The following MACROD1 variants were observed in gnomAD, a reference collection of about 807,000 sequenced individuals.
MACROD1 encodes the protein ADP-ribose glycohydrolase MACROD1.
Under a neutral mutation model 41.4 loss-of-function variants are expected in MACROD1, and 31 were observed. The ratio of observed to expected loss-of-function variants is 0.75; its 90% confidence interval spans 0.56 to 1.01. The LOEUF is 1.01. Ranked by LOEUF, MACROD1 falls within the 50% of genes least tolerant of loss-of-function variation. MACROD1 has a pLI of 0.00. For synonymous variants in MACROD1, 252 were observed against 203.4 expected, an observed-to-expected ratio of 1.24 and a Z score of -2.03; for missense variants, 473 against 460.0, an observed-to-expected ratio of 1.03 and a Z score of -0.26.
Position 64,165,904 on chromosome 11 carries a change from A to G in MACROD1, c.91T>C (p.Leu31=). ...LVPPRPRPGH[L]AGATRTRSST... is the part of the protein sequence containing the mutation. The stretch of plus-strand genomic sequence containing the variant: ...CTGCGGGTCCTCGTGGCACCCGCCA[A>G]GTGTCCGGGCCGGGGGCGCGGGGGG... Residue 31 remains leucine (L), a synonymous_variant, in exon 1 of 11, where the codon TTG becomes CTG. Coordinates refer to ENST00000255681, the MANE Select transcript of MACROD1 (RefSeq NM_014067.4). 7.3e-7 allele frequency: 1 copy of G among 1,370,864 alleles called. No homozygotes were observed. Among genetic ancestry groups the G allele is most frequent in the Non-Finnish European group, 9.4e-7 (1 of 1,067,912 alleles). 84.9% of individuals were successfully genotyped at this position (1,370,864 alleles called of 1,614,324 possible).
At chr11:64,138,591 G>C in intron 3 of MACROD1, 3 of 983,280 alleles carry the variant, frequency 3.1e-6, no homozygotes, top group Non-Finnish European at 3.6e-6. Context: ...GGGCCCTGCT[G>C]GCAGAGGAAT....
chr11:64,004,086 C>T (rs320158), intron 4 of MACROD1, among the ~76,000 whole-genome samples: 3,556 of 152,336 alleles, frequency 0.023, 129 homozygotes, highest in African/African-American at 0.079. Context: ...GGCCTCTGAG[C>T]GGCCCTTGAC....
chr11:64,035,135 A>G (rs1490686507), intron 3 of MACROD1, among the ~76,000 whole-genome samples: 2 of 152,138 alleles, frequency 1.3e-5, no homozygotes, highest in Admixed American at 6.5e-5. Context: ...AATCCAGGAC[A>G]CTGAGGCTGG....
chr11:64,015,164 G>T, intron 4 of MACROD1, 88 bp downstream of exon 4: 1 of 1,358,286 alleles, frequency 7.4e-7, no homozygotes, highest in Non-Finnish European at 9.9e-7. Context: ...GCAGTGAGAT[G>T]GGCACCGAGG....
intron 3 of MACROD1, among the ~76,000 whole-genome samples, chr11:64,138,942 A>G (rs1945370913): frequency 6.6e-6 from 1 of 151,948 alleles, no homozygotes; most frequent in Non-Finnish European, 1.5e-5. Flanking sequence ...TAATTTTTGT[A>G]TTTTTGTAGA....
intron 3 of MACROD1, among the ~76,000 whole-genome samples, chr11:64,028,174 G>A (rs565292419): frequency 6.7e-6 from 1 of 148,228 alleles, no homozygotes; most frequent in Admixed American, 6.7e-5. Flanking sequence ...CTGGGGAGGC[G>A]CATGGGAAGG....
At chr11:64,107,499 G>A (rs917017962) in intron 3 of MACROD1, among the ~76,000 whole-genome samples, 2 of 152,152 alleles carry the variant, frequency 1.3e-5, no homozygotes, top group African/African-American at 2.4e-5. Flanking sequence ...CCACCCAGCC[G>A]GCCTATGTGG....
chr11:64,101,766 C>T (rs1944675610), intron 3 of MACROD1, among the ~76,000 whole-genome samples: 1 of 152,226 alleles, frequency 6.6e-6, no homozygotes, highest in Non-Finnish European at 1.5e-5. Flanking sequence ...CCTTCCAGGG[C>T]CTGTGCCCCA....
intron 4 of MACROD1, chr11:64,001,541 T>C (rs549491859): frequency 4.3e-6 from 3 of 702,418 alleles, no homozygotes; most frequent in South Asian, 1.5e-5. Flanking sequence ...CCCCTTTCTT[T>C]TGCTGTTTGA....
At chr11:64,034,917 C>T (rs771235855) in intron 3 of MACROD1, among the ~76,000 whole-genome samples, 87 of 152,252 alleles carry the variant, frequency 5.7e-4, no homozygotes, top group Non-Finnish European at 1.0e-3. Context: ...AGTGTCCCAG[C>T]GAATGCCAAG....
At chr11:64,157,892 C>CA (rs1945693514) in intron 1 of MACROD1, among the ~76,000 whole-genome samples, 5 of 152,144 alleles carry the variant, frequency 3.3e-5, no homozygotes, top group Admixed American at 1.3e-4. Context: ...CCTGCGCTCA[C>CA]CGGCCCGCAA....
chr11:64,028,686 C>T (rs1227818799), intron 3 of MACROD1, among the ~76,000 whole-genome samples: 2 of 152,092 alleles, frequency 1.3e-5, no homozygotes, highest in East Asian at 3.9e-4. Flanking sequence ...TCTTCCCCTC[C>T]CCCTCCTCCC....
intron 3 of MACROD1, among the ~76,000 whole-genome samples, chr11:64,112,274 G>A (rs1944876229): frequency 6.6e-6 from 1 of 152,174 alleles, no homozygotes; most frequent in African/African-American, 2.4e-5. Flanking sequence ...AGTACTTTGA[G>A]AGGCCCAGGG....
At chr11:64,035,161 T>C (rs1433104878) in intron 3 of MACROD1, among the ~76,000 whole-genome samples, 2 of 152,128 alleles carry the variant, frequency 1.3e-5, no homozygotes, top group Admixed American at 1.3e-4. Flanking sequence ...GTTCAGCAAC[T>C]TGGCCAAGGT....
At chr11:64,061,702 CT>C (rs35179984) in intron 3 of MACROD1, among the ~76,000 whole-genome samples, 4,778 of 141,632 alleles carry the variant, frequency 0.034, 203 homozygotes, top group African/African-American at 0.11. Context: ...GTAAATGAGA[CT>C]TTTTTTTTTT....
intron 3 of MACROD1, among the ~76,000 whole-genome samples, chr11:64,017,816 C>T (rs1242108918): frequency 6.6e-6 from 1 of 152,130 alleles, no homozygotes; most frequent in African/African-American, 2.4e-5. Flanking sequence ...TTAATTAACA[C>T]CGGCCACAAA....
chr11:64,146,745 C>T lies in MACROD1; in HGVS notation c.517+4494G>A, dbSNP rs1294655046. On this transcript the variant is annotated intron_variant, in intron 3 of 10. Transcript: ENST00000255681. This position sits in a 1 kb window ranked among gnomAD's most constrained non-coding sequence, Gnocchi z 4.7. ...ACCCCATGCATCACACAAGCACAGA[C>T]ACACACACATCACGCACACACACGC... 6.6e-6 allele frequency among the ~76,000 whole-genome samples: 1 copy of T among 151,984 alleles called. No individual in the cohort carries two copies. The highest frequency in any genetic ancestry group is 2.4e-5 in the African/African-American group (1 of 41,352).
intron 3 of MACROD1, chr11:64,138,520 C>T (rs1315272902): frequency 4.1e-6 from 4 of 985,284 alleles, no homozygotes; most frequent in Admixed American, 6.1e-5. Flanking sequence ...AGGGATGTGG[C>T]GTTTGATGAT....
intron 4 of MACROD1, among the ~76,000 whole-genome samples, chr11:64,002,858 C>G (rs1439788444): frequency 6.6e-6 from 1 of 152,172 alleles, no homozygotes; most frequent in Non-Finnish European, 1.5e-5. Flanking sequence ...CTTCCCACCC[C>G]ACCCCAAGGC....
Sources: allele counts gnomAD v4.1 joint callset (sites outside exome capture counted in the v4.1 genomes callset), GRCh38; gene constraint gnomAD v4.1.1; non-coding constraint Gnocchi (gnomAD v3.1); transcripts MANE v1.5; gene names NCBI Gene and HGNC (gene_info 2026-07-23, HGNC 2026-07-21).